OPCML: variants seen among roughly 807,000 people sequenced by gnomAD.
OPCML encodes opioid-binding protein/cell adhesion molecule.
A neutral mutation model predicts 37.8 loss-of-function variants in OPCML; 13 were observed. The observed-to-expected ratio is 0.34, with a 90% CI of 0.22 to 0.55. The LOEUF is 0.55. Among genes scored for constraint, OPCML ranks in the 20% least tolerant of loss-of-function variants. OPCML has a pLI of 0.91. For missense variants in OPCML, 341 were observed against 435.6 expected, an observed-to-expected ratio of 0.78 and a Z score of 1.93; for synonymous variants, 176 against 168.8, an observed-to-expected ratio of 1.04 and a Z score of -0.33.
At chr11:132,836,383 G>A (rs968947352) in intron 2 of OPCML, among the ~76,000 whole-genome samples, 1 of 152,114 alleles carries the variant, frequency 6.6e-6, no homozygotes, top group African/African-American at 2.4e-5. Context: ...CTAGTAGCCC[G>A]GTGTGACTTC....
chr11:132,821,273 T>C (rs553386997), intron 2 of OPCML, among the ~76,000 whole-genome samples: 98 of 152,292 alleles, frequency 6.4e-4, no homozygotes, highest in African/African-American at 2.2e-3. Flanking sequence ...CTCTCATTTC[T>C]AGCAAGGAGA....
intron 1 of OPCML, among the ~76,000 whole-genome samples, chr11:133,403,979 G>A (rs1332275766): frequency 1.3e-5 from 2 of 152,160 alleles, no homozygotes; most frequent in Non-Finnish European, 2.9e-5. Flanking sequence ...TTGAACCATA[G>A]ACATTTATTC....
At chr11:132,525,702 CT>C (rs59812540) in intron 4 of OPCML, 1 of 151,950 alleles carries the variant, frequency 6.6e-6, no homozygotes, top group Non-Finnish European at 1.5e-5. Flanking sequence ...CAGAGCTTTT[CT>C]TTTTTATTAT....
chr11:132,828,779 G>A (rs1361217911), intron 2 of OPCML, among the ~76,000 whole-genome samples: 3 of 152,174 alleles, frequency 2.0e-5, no homozygotes, highest in Admixed American at 1.3e-4. Context: ...GAAGATCTAT[G>A]TGTTATTGAG....
chr11:133,321,443 T>C (rs1052911204), intron 1 of OPCML, among the ~76,000 whole-genome samples: 20 of 152,190 alleles, frequency 1.3e-4, no homozygotes, highest in African/African-American at 4.8e-4. Context: ...ATAGATCGTA[T>C]CAGACTGCCA....
intron 1 of OPCML, among the ~76,000 whole-genome samples, chr11:133,045,936 G>C (rs79822313): frequency 6.6e-6 from 1 of 152,150 alleles, no homozygotes; most frequent in Non-Finnish European, 1.5e-5. Flanking sequence ...GGTGAGCCAA[G>C]TCGTTGACAG....
chr11:132,498,201 A>G (rs1042113441), intron 4 of OPCML, among the ~76,000 whole-genome samples: 1 of 152,248 alleles, frequency 6.6e-6, no homozygotes, highest in Non-Finnish European at 1.5e-5. Context: ...TACTTAAATT[A>G]TGGCATAAAG....
chr11:133,098,657 T>C (rs1949040727), intron 1 of OPCML, among the ~76,000 whole-genome samples: 1 of 152,112 alleles, frequency 6.6e-6, no homozygotes, highest in Admixed American at 6.5e-5. Context: ...AAACTAGGAA[T>C]AGGAAGAAAA....
intron 3 of OPCML, among the ~76,000 whole-genome samples, chr11:132,610,922 C>T (rs1465136776): frequency 6.6e-6 from 1 of 152,088 alleles, no homozygotes; most frequent in African/African-American, 2.4e-5. Flanking sequence ...TCATCTATAC[C>T]TCAGGGGAGA....
chr11:132,907,462 C>T (rs1944282850), intron 2 of OPCML, among the ~76,000 whole-genome samples: 2 of 152,198 alleles, frequency 1.3e-5, no homozygotes, highest in Middle Eastern at 3.4e-3. Context: ...GAAACCCCAT[C>T]TCTACTAAAA....
intron 1 of OPCML, chr11:133,006,260 T>A (rs1018553189): frequency 1.9e-6 from 1 of 528,218 alleles, no homozygotes; most frequent in Admixed American, 6.4e-5. Context: ...CAGTGGGAAG[T>A]GTTCTAGCAG....
At chr11:132,852,973 T>C (rs1020697786) in intron 2 of OPCML, among the ~76,000 whole-genome samples, 1 of 152,204 alleles carries the variant, frequency 6.6e-6, no homozygotes, top group Non-Finnish European at 1.5e-5. Flanking sequence ...AATATTTTCT[T>C]TCTGGTCCTT....
chr11:132,643,632 T>C (rs569079625), intron 3 of OPCML, among the ~76,000 whole-genome samples: 2 of 152,304 alleles, frequency 1.3e-5, no homozygotes, highest in South Asian at 4.1e-4. Context: ...GCAGGCATCT[T>C]CAAGTTCTTC....
intron 2 of OPCML, among the ~76,000 whole-genome samples, chr11:132,769,096 G>T (rs1401865874): frequency 6.7e-6 from 1 of 148,914 alleles, no homozygotes; most frequent in Admixed American, 6.7e-5. Flanking sequence ...GTTTGAGGTC[G>T]CTGATGCACC....
At chr11:133,355,954 G>A (rs77797162) in intron 1 of OPCML, among the ~76,000 whole-genome samples, 4,878 of 152,236 alleles carry the variant, frequency 0.032, 114 homozygotes, top group Non-Finnish European at 0.05. Flanking sequence ...AGGACAGAGG[G>A]ATTTAAATAG....
At chr11:132,674,284 T>C (rs1942608033) in intron 2 of OPCML, among the ~76,000 whole-genome samples, 1 of 152,278 alleles carries the variant, frequency 6.6e-6, no homozygotes, top group East Asian at 1.9e-4. Flanking sequence ...GCAGCTTTGC[T>C]GTGGGTGGAA....
At chr11:133,470,782 G>T (rs1327473019) in intron 1 of OPCML, among the ~76,000 whole-genome samples, 1 of 152,220 alleles carries the variant, frequency 6.6e-6, no homozygotes, top group Non-Finnish European at 1.5e-5. Flanking sequence ...AACAGGGATG[G>T]GAATGCTGTC....
intron 2 of OPCML, among the ~76,000 whole-genome samples, chr11:132,898,366 T>C (rs1203214901): frequency 1.3e-5 from 2 of 152,176 alleles, no homozygotes; most frequent in Non-Finnish European, 2.9e-5. Flanking sequence ...ACTCACAAAA[T>C]GCCTTATCCA....
intron 1 of OPCML, among the ~76,000 whole-genome samples, chr11:133,158,342 A>G (rs575495273): frequency 6.6e-4 from 101 of 152,298 alleles, no homozygotes; most frequent in Non-Finnish European, 1.1e-3. Flanking sequence ...CATCAAGTAA[A>G]TGATAATTAT....
Sources: gnomAD v4.1 joint callset for allele counts (sites outside exome capture counted in the v4.1 genomes callset) on GRCh38, gnomAD v4.1.1 for gene constraint, MANE v1.5 for transcripts, NCBI Gene and HGNC (gene_info 2026-07-23, HGNC 2026-07-21) for gene names.